Variants in ICE2 observed in about 807,000 individuals in gnomAD.
The protein encoded by ICE2 is interactor of little elongation complex ELL subunit 2.
Under a neutral mutation model 105.4 loss-of-function variants are expected in ICE2, and 87 were observed. That is an observed-to-expected ratio of 0.83 (90% CI 0.69 to 0.99). ICE2 has a LOEUF of 0.99. Ranked by LOEUF, ICE2 falls within the 50% of genes least tolerant of loss-of-function variation. ICE2 has a pLI of 0.00. For missense variants in ICE2, 1,323 were observed against 1,146.7 expected, an observed-to-expected ratio of 1.15 and a Z score of -2.22; for synonymous variants, 399 against 392.0, an observed-to-expected ratio of 1.02 and a Z score of -0.21.
At chr15:60,454,004 A>C (rs1048393437) in intron 8 of ICE2, among the ~76,000 whole-genome samples, 3 of 152,152 alleles carry the variant, frequency 2.0e-5, no homozygotes, top group Admixed American at 6.5e-5. Flanking sequence ...TCTTTCTAGC[A>C]ATGTTTAAAA....
chr15:60,447,000 A>C (rs1011001770), intron 11 of ICE2, among the ~76,000 whole-genome samples: 5 of 152,244 alleles, frequency 3.3e-5, no homozygotes, highest in Admixed American at 3.3e-4. Flanking sequence ...ACCAGAACTC[A>C]GTAGTCATAC....
At chr15:60,441,980 T>C (rs1412599015) in intron 12 of ICE2, 2 of 152,498 alleles carry the variant, frequency 1.3e-5, no homozygotes, top group Admixed American at 1.3e-4. Context: ...ATGTGTATTT[T>C]TGATTATACT....
At chr15:60,462,724 G>GCTCTCCCTCTCT (rs963895207) in intron 5 of ICE2, among the ~76,000 whole-genome samples, 6 of 151,944 alleles carry the variant, frequency 3.9e-5, no homozygotes, top group African/African-American at 1.5e-4. Context: ...TCTGGCTCTC[G>GCTCTCCCTCTCT]CTCTCCCTCT....
At chr15:60,457,232 G>A (rs1285100981) in intron 5 of ICE2, among the ~76,000 whole-genome samples, 1 of 152,038 alleles carries the variant, frequency 6.6e-6, no homozygotes, top group Non-Finnish European at 1.5e-5. Flanking sequence ...AATGAGAAAT[G>A]TTATAACTAA....
chr15:60,421,879 T>C lies in ICE2; in HGVS notation c.*1755A>G, dbSNP rs1566962078. 2 of 152,168 alleles carry C rather than the reference T, an allele frequency of 1.3e-5. No homozygotes were observed. The highest frequency in any genetic ancestry group is 1.5e-5 in the Non-Finnish European group (1 of 68,022). 9.4% of individuals were successfully genotyped at this position (152,168 alleles called of 1,614,324 possible). A position where few individuals can be genotyped will look rare whatever the true frequency, so the allele number is the denominator to read the frequency against. On this transcript the variant is annotated 3_prime_UTR_variant, in exon 16 of 16. Transcript: ENST00000261520. ...CTTCTCAAATAACTTAAAAATGTTT[T>C]ATAACAAAAAATCAAAATGAAACAA...
intron 5 of ICE2, among the ~76,000 whole-genome samples, chr15:60,459,477 G>A (rs959843770): frequency 6.6e-6 from 1 of 152,122 alleles, no homozygotes. Context: ...CAAAAATGGA[G>A]ACTGTTCACC....
At chr15:60,476,261 A>G in intron 2 of ICE2, 94 bp from the exon 3 acceptor site, 1 of 718,702 alleles carries the variant, frequency 1.4e-6, no homozygotes, top group South Asian at 1.7e-5. Context: ...ACAATTTCAT[A>G]CCTTCTTACC....
chr15:60,428,424 C>T lies in ICE2; in HGVS notation c.2820+5G>A, dbSNP rs1223766663. 1.9e-6 allele frequency: 3 copies of T among 1,607,690 alleles called. No individual in the cohort carries two copies. Among genetic ancestry groups the T allele is most frequent in the African/African-American group, 1.3e-5 (1 of 74,606 alleles). ...ATGAACCTTTAATTTCAAAAAAGAT[C>T]TTACCTTTTGTTGTGTTGTGGTATC... On this transcript the variant is annotated splice_donor_5th_base_variant and intron_variant, in intron 15 of 15. Transcript: ENST00000261520.
chr15:60,472,385 C>A (rs917818938), intron 3 of ICE2, among the ~76,000 whole-genome samples: 8 of 151,936 alleles, frequency 5.3e-5, no homozygotes, highest in African/African-American at 1.7e-4. Context: ...ATAATTATTA[C>A]AGCAATTAAG....
At chr15:60,446,989 T>A (rs1454316342) in intron 11 of ICE2, among the ~76,000 whole-genome samples, 1 of 152,202 alleles carries the variant, frequency 6.6e-6, no homozygotes, top group African/African-American at 2.4e-5. Flanking sequence ...TCCCTTTATT[T>A]ACCAGAACTC....
intron 10 of ICE2, 32 bp from the exon 11 acceptor site, chr15:60,448,177 A>T: frequency 7.1e-7 from 1 of 1,398,632 alleles, no homozygotes; most frequent in Non-Finnish European, 1.0e-6. Flanking sequence ...TTTTTAAAAT[A>T]CATTAGCTCT....
chr15:60,475,592 A>G (rs2064737950), intron 3 of ICE2, among the ~76,000 whole-genome samples: 1 of 152,184 alleles, frequency 6.6e-6, no homozygotes, highest in Non-Finnish European at 1.5e-5. Flanking sequence ...GGGGCATGAA[A>G]AGATATTCAA....
intron 11 of ICE2, among the ~76,000 whole-genome samples, chr15:60,445,023 ATG>A (rs894401549): frequency 6.6e-6 from 1 of 152,152 alleles, no homozygotes; most frequent in African/African-American, 2.4e-5. Context: ...AGACTGGCTG[ATG>A]TTTTAGGTTC....
intron 1 of ICE2, chr15:60,478,796 A>G: frequency 5.5e-6 from 2 of 366,490 alleles, no homozygotes; most frequent in South Asian, 3.9e-5. Flanking sequence ...GGCTGAGGGA[A>G]AGGGGACGCA....
At chr15:60,466,556 C>T in intron 5 of ICE2, 38 bp downstream of exon 5, 1 of 1,604,552 alleles carries the variant, frequency 6.2e-7, no homozygotes, top group Non-Finnish European at 8.5e-7. Context: ...TATTGCCTAT[C>T]ACTTCGCAAT....
At chr15:60,477,378 C>A (rs950836375) in intron 2 of ICE2, among the ~76,000 whole-genome samples, 2 of 152,160 alleles carry the variant, frequency 1.3e-5, no homozygotes, top group Non-Finnish European at 2.9e-5. Flanking sequence ...TCTTTGTAAC[C>A]ATTTATAACA....
At chr15:60,436,537 T>A (rs990017382) in intron 12 of ICE2, among the ~76,000 whole-genome samples, 19 of 151,850 alleles carry the variant, frequency 1.3e-4, no homozygotes, top group African/African-American at 3.9e-4. Context: ...AATACTGGTG[T>A]TTCTAATTCC....
intron 3 of ICE2, among the ~76,000 whole-genome samples, chr15:60,469,382 A>C (rs1210615355): frequency 1.3e-5 from 2 of 152,176 alleles, no homozygotes; most frequent in Non-Finnish European, 2.9e-5. Flanking sequence ...AGTACAACAA[A>C]CAACCATGGC....
intron 3 of ICE2, among the ~76,000 whole-genome samples, chr15:60,471,797 A>G (rs74977999): frequency 6.6e-6 from 1 of 151,720 alleles, no homozygotes; most frequent in African/African-American, 2.4e-5. Flanking sequence ...AACAAAAAAC[A>G]AAAAACAAAC....
Sources: gnomAD v4.1 joint callset for allele counts (sites outside exome capture counted in the v4.1 genomes callset) on GRCh38, gnomAD v4.1.1 for gene constraint, MANE v1.5 for transcripts, NCBI Gene and HGNC (gene_info 2026-07-23, HGNC 2026-07-21) for gene names.